The following KMT2E variants were observed in gnomAD, a reference collection of about 807,000 sequenced individuals.
KMT2E encodes lysine methyltransferase 2E (inactive).
Under a neutral mutation model 184.6 loss-of-function variants are expected in KMT2E, and 30 were observed. The ratio of observed to expected loss-of-function variants is 0.16; its 90% CI spans 0.12 to 0.22. The LOEUF (loss-of-function observed/expected upper bound fraction) is 0.22, where lower values mean the gene tolerates loss of function less well. Among genes scored for constraint, KMT2E ranks in the 10% least tolerant of loss-of-function variants. The probability of loss-of-function intolerance (pLI) is 1.00; values close to 1 mark genes in which losing one functional copy is unlikely to be tolerated. For missense variants in KMT2E, 2,023 were observed against 2,237.4 expected (o/e 0.90, Z 1.93); for synonymous variants, 815 against 776.5 (o/e 1.05, Z -0.82).
At chr7:105,039,218 A>G (rs998690126) in intron 2 of KMT2E, 3 of 152,366 alleles carry the variant, frequency 2.0e-5, no homozygotes, top group South Asian at 2.1e-4. Flanking sequence ...AATAGAAGTC[A>G]TTGTCTGAAG....
chr7:105,044,379 G>A (rs1312319495), intron 3 of KMT2E, among the ~76,000 whole-genome samples: 1 of 152,168 alleles, frequency 6.6e-6, no homozygotes, highest in Non-Finnish European at 1.5e-5. Context: ...CCAATTTAAG[G>A]ACTTTAAGGT....
At chr7:105,058,563 G>A (rs887978093) in intron 3 of KMT2E, among the ~76,000 whole-genome samples, 1 of 152,154 alleles carries the variant, frequency 6.6e-6, no homozygotes, top group African/African-American at 2.4e-5. Context: ...ATTAACAAGA[G>A]AATATACTTA....
chr7:105,025,031 T>C (rs770231569), intron 1 of KMT2E, among the ~76,000 whole-genome samples: 1 of 152,148 alleles, frequency 6.6e-6, no homozygotes, highest in African/African-American at 2.4e-5. Flanking sequence ...GCATGTGTAC[T>C]TAAGAGGAGT....
At chr7:105,036,480 T>A (rs951700926) in intron 1 of KMT2E, among the ~76,000 whole-genome samples, 2 of 152,166 alleles carry the variant, frequency 1.3e-5, no homozygotes, top group African/African-American at 4.8e-5. Flanking sequence ...TCTGGCAGTT[T>A]TTAATTTCAG....
intron 3 of KMT2E, among the ~76,000 whole-genome samples, chr7:105,047,104 T>C (rs1270049687): frequency 6.6e-6 from 1 of 152,254 alleles, no homozygotes; most frequent in African/African-American, 2.4e-5. Flanking sequence ...ACTTAATTTC[T>C]TCAGCAATGA....
rs1365464599 is a variant in KMT2E, at chr7:105,074,704, T to G, written c.618T>G (p.Phe206Leu). Reference sequence around the variant, plus strand: ...TTCCTGTGGAATTATATACTGCATTTCAGCATACTCCAACATCAATTACTT... The same window carrying G: ...TTCCTGTGGAATTATATACTGCATTGCAGCATACTCCAACATCAATTACTT... ...DEVPVELYTA[F>L]QHTPTSITLT... is the part of the protein sequence containing the mutation. Residue 206 changes from phenylalanine (F) to leucine (L), a missense_variant, in exon 8 of 27, where the codon TTT (phenylalanine) becomes TTG (leucine). This residue lies in a region of KMT2E where 191 missense variants were observed against 209.0 expected (regional missense o/e 0.91). Transcript: ENST00000311117. 14 of 1,608,554 alleles carry G rather than the reference T, an allele frequency of 8.7e-6. No individual in the cohort carries two copies. Among genetic ancestry groups the G allele is most frequent in the Non-Finnish European group, 1.2e-5 (14 of 1,177,488 alleles).
chr7:105,063,298 T>C, intron 4 of KMT2E, 53 bp from the exon 5 acceptor site: 1 of 1,294,694 alleles, frequency 7.7e-7, no homozygotes, highest in African/African-American at 1.5e-5. Flanking sequence ...GCTTGGTTTA[T>C]ATCATTGTTG....
intron 12 of KMT2E, among the ~76,000 whole-genome samples, chr7:105,080,026 T>C (rs1448866283): frequency 1.3e-5 from 2 of 151,898 alleles, no homozygotes; most frequent in Non-Finnish European, 2.9e-5. Flanking sequence ...CTTTAATTTT[T>C]TGTAGAGTTG....
In KMT2E at chr7:105,101,566, G is replaced by A; in HGVS notation, c.1864G>A (p.Val622Ile). 1 of 1,558,146 alleles carries A rather than the reference G, an allele frequency of 6.4e-7. No individual in the cohort carries two copies. Among genetic ancestry groups the A allele is most frequent in the Non-Finnish European group, 8.6e-7 (1 of 1,160,178 alleles). ...VKTECKDTQIVSDAEVIQEQA... is the reference protein window; with the variant it reads ...VKTECKDTQIISDAEVIQEQA... The stretch of plus-strand genomic sequence containing the variant: ...AACTGAATGTAAAGATACACAGATT[G>A]TCAGTGATGCTGAAGTTATTCAGGT... The change falls in exon 16 of 27, where the codon GTC (valine) becomes ATC (isoleucine). Residue 622 changes from valine (V) to isoleucine (I), a missense_variant. Around this residue, in one of 8 missense-constraint regions of KMT2E, gnomAD observed 514 missense variants for 621.8 expected, o/e 0.83. Coordinates refer to ENST00000311117, the MANE Select transcript of KMT2E (RefSeq NM_182931.3).
rs781657758 is a variant in KMT2E, at chr7:105,110,840, C to G, written c.4040C>G (p.Thr1347Ser). 6 of 1,613,704 alleles carry G rather than the reference C, an allele frequency of 3.7e-6. No homozygotes were observed. The Admixed American group carries it at 1.0e-4, about 27-fold the overall frequency. ...CCATCCCCAGATACTTCTCAAAATA[C>G]TTGTAAAAGTCCTCCAAAAATGAGC... The part of the protein sequence containing the change: ...ECPSPDTSQN[T>S]CKSPPKMSKP... The change falls in exon 26 of 27, where the codon ACT becomes AGT. Residue 1347 changes from threonine to serine, a missense_variant. This residue lies in a region of KMT2E where 1,108 missense variants were observed against 1,050.9 expected (regional missense o/e 1.05). Coordinates refer to ENST00000311117, the MANE Select transcript of KMT2E (RefSeq NM_182931.3).
At chr7:105,111,314 CT>C (rs557585652) in intron 26 of KMT2E, 270 of 167,714 alleles carry the variant, frequency 1.6e-3, no homozygotes, top group Non-Finnish European at 3.0e-3. Context: ...TGAGATTTAT[CT>C]TTTTTTGATG....
intron 13 of KMT2E, among the ~76,000 whole-genome samples, chr7:105,085,902 G>C (rs1024377449): frequency 6.6e-6 from 1 of 152,062 alleles, no homozygotes; most frequent in African/African-American, 2.4e-5. Context: ...TCCATCCCCT[G>C]ACCTCATGGT....
At chr7:105,038,278 G>T (rs1795744897) in intron 2 of KMT2E, 79 bp downstream of exon 2, 1 of 152,170 alleles carries the variant, frequency 6.6e-6, no homozygotes, top group South Asian at 2.1e-4. Flanking sequence ...TTGTCAGCTG[G>T]ATGACCAGTT....
chr7:105,094,059 A>G (rs1237319796), intron 15 of KMT2E, among the ~76,000 whole-genome samples: 2 of 152,212 alleles, frequency 1.3e-5, no homozygotes, highest in Non-Finnish European at 1.5e-5. Context: ...TGATGTTTGC[A>G]TTACAGAATT....
chr7:105,046,735 G>A (rs17143256), intron 3 of KMT2E, among the ~76,000 whole-genome samples: 1,985 of 152,256 alleles, frequency 0.013, 48 homozygotes, highest in African/African-American at 0.045. Context: ...TAACCCTTGA[G>A]AGTATCACAT....
intron 13 of KMT2E, among the ~76,000 whole-genome samples, chr7:105,083,713 T>C (rs1225277388): frequency 6.6e-6 from 1 of 152,232 alleles, no homozygotes; most frequent in Non-Finnish European, 1.5e-5. Flanking sequence ...TGTCTTTTTA[T>C]GACTTTCCCC....
chr7:105,051,446 A>C (rs1003841649), intron 3 of KMT2E, among the ~76,000 whole-genome samples: 6 of 151,922 alleles, frequency 3.9e-5, no homozygotes, highest in Admixed American at 1.3e-4. Context: ...CGGCCTACCA[A>C]AGTACTGGGA....
At chr7:105,074,499 T>A in intron 7 of KMT2E, 144 bp from the exon 8 acceptor site, 2 of 517,844 alleles carry the variant, frequency 3.9e-6, no homozygotes, top group Non-Finnish European at 6.5e-6. Flanking sequence ...CATGTAAATG[T>A]GTAAGTGAGG....
intron 19 of KMT2E, 83 bp from the exon 20 acceptor site, chr7:105,106,439 T>G (rs1292223686): frequency 7.6e-7 from 1 of 1,308,040 alleles, no homozygotes; most frequent in Non-Finnish European, 1.1e-6. Context: ...TGTTTATATT[T>G]TATCTTTCCC....
Sources: allele counts gnomAD v4.1 joint callset (sites outside exome capture counted in the v4.1 genomes callset), GRCh38; gene constraint gnomAD v4.1.1; regional missense constraint gnomAD v4.1.1; transcripts MANE v1.5; gene names NCBI Gene and HGNC (gene_info 2026-07-23, HGNC 2026-07-21).